The following LIMCH1 variants were observed in gnomAD, a reference collection of about 807,000 sequenced individuals.
LIMCH1 encodes the protein LIM and calponin homology domains-containing protein 1.
LIMCH1 carries 113 observed loss-of-function variants against 176.5 expected under a neutral mutation model. The ratio of observed to expected loss-of-function variants is 0.64; its 90% CI spans 0.55 to 0.75. LIMCH1 has a LOEUF of 0.75. Ranked by LOEUF, LIMCH1 falls within the 30% of genes least tolerant of loss-of-function variation. The pLI, the probability that LIMCH1 is intolerant of heterozygous loss-of-function variation, is 0.00. For missense variants in LIMCH1, 1,674 were observed against 1,814.9 expected (o/e 0.92, Z 1.41); for synonymous variants, 619 against 645.9 (o/e 0.96, Z 0.63).
intron 2 of LIMCH1, among the ~76,000 whole-genome samples, chr4:41,514,005 TAAAAAA>T (rs71198665): frequency 4.3e-4 from 21 of 48,522 alleles, no homozygotes; most frequent in East Asian, 1.0e-3. Flanking sequence ...GACTCCGTCT[TAAAAAA>T]AAAAAAAAAA....
intron 4 of LIMCH1, among the ~76,000 whole-genome samples, chr4:41,611,152 T>C (rs1406430792): frequency 1.3e-5 from 2 of 152,196 alleles, no homozygotes; most frequent in African/African-American, 4.8e-5. Flanking sequence ...ATGTTTTCTA[T>C]GTTTAGGTAT....
At chr4:41,479,445 G>T (rs908640416) in intron 1 of LIMCH1, among the ~76,000 whole-genome samples, 1 of 151,914 alleles carries the variant, frequency 6.6e-6, no homozygotes, top group African/African-American at 2.4e-5. Flanking sequence ...ATAGAGGTGG[G>T]GTCTCACTGT....
chr4:41,383,322 G>A (rs1283957136), intron 1 of LIMCH1, among the ~76,000 whole-genome samples: 1 of 152,120 alleles, frequency 6.6e-6, no homozygotes, highest in Non-Finnish European at 1.5e-5. Flanking sequence ...GGCAATTACT[G>A]TACATGCTGT....
chr4:41,407,465 A>G (rs1437497923), intron 1 of LIMCH1, among the ~76,000 whole-genome samples: 1 of 152,176 alleles, frequency 6.6e-6, no homozygotes, highest in African/African-American at 2.4e-5. Context: ...CCTGGGCTCA[A>G]GTGATCCTCC....
At chr4:41,529,990 A>G (rs140940547) in intron 3 of LIMCH1, among the ~76,000 whole-genome samples, 16 of 152,326 alleles carry the variant, frequency 1.1e-4, no homozygotes, top group African/African-American at 3.4e-4. Flanking sequence ...CAAAGATAAG[A>G]TTTCAAATAT....
intron 1 of LIMCH1, among the ~76,000 whole-genome samples, chr4:41,392,936 G>A (rs2057404365): frequency 1.3e-5 from 2 of 152,108 alleles, no homozygotes; most frequent in African/African-American, 2.4e-5. Flanking sequence ...GGAGGCTGAG[G>A]CAGGAATCAC....
intron 29 of LIMCH1, among the ~76,000 whole-genome samples, chr4:41,688,656 A>T (rs926594948): frequency 6.6e-6 from 1 of 152,092 alleles, no homozygotes; most frequent in Admixed American, 6.6e-5. Flanking sequence ...TTGCAATGTG[A>T]TCTTAGTTAT....
intron 5 of LIMCH1, among the ~76,000 whole-genome samples, 175 bp from the exon 6 acceptor site, chr4:41,619,013 C>G (rs2092359577): frequency 6.6e-6 from 1 of 152,026 alleles, no homozygotes; most frequent in South Asian, 2.1e-4. Flanking sequence ...CTTCTTTTCC[C>G]AGAGTGGAGT....
intron 23 of LIMCH1, among the ~76,000 whole-genome samples, chr4:41,679,771 T>A (rs1585815584): frequency 1.3e-5 from 2 of 152,334 alleles, no homozygotes; most frequent in Non-Finnish European, 2.9e-5. Context: ...CTTTTCTCTT[T>A]CTGTAAGCAA....
chr4:41,486,904 C>T (rs1363849073), intron 1 of LIMCH1, among the ~76,000 whole-genome samples: 1 of 151,696 alleles, frequency 6.6e-6, no homozygotes, highest in Non-Finnish European at 1.5e-5. Context: ...CCCTCAGCTT[C>T]CCAAGTAGCT....
chr4:41,495,459 G>A (rs2071948923), intron 2 of LIMCH1, among the ~76,000 whole-genome samples: 1 of 152,136 alleles, frequency 6.6e-6, no homozygotes, highest in African/African-American at 2.4e-5. Flanking sequence ...GACAAGCACT[G>A]TTCTGATCTC....
chr4:41,575,828 G>A (rs561145551), intron 1 of LIMCH1, among the ~76,000 whole-genome samples: 1 of 152,142 alleles, frequency 6.6e-6, no homozygotes, highest in Non-Finnish European at 1.5e-5. Context: ...TGATCTTATA[G>A]GAGATTCCCC....
chr4:41,419,648 TCCTC>T (rs1334720777), intron 1 of LIMCH1, among the ~76,000 whole-genome samples: 1 of 54,438 alleles, frequency 1.8e-5, no homozygotes, highest in African/African-American at 1.4e-4. Context: ...CTTCCTTTCT[TCCTC>T]CTTCCTTCCT....
At chr4:41,505,968 A>ACACG (rs1165578751) in intron 2 of LIMCH1, among the ~76,000 whole-genome samples, 1 of 150,246 alleles carries the variant, frequency 6.7e-6, no homozygotes, top group Non-Finnish European at 1.5e-5. Flanking sequence ...ACACACACAC[A>ACACG]CTTTGTATAA....
At chr4:41,619,984 T>C (rs918180712) in intron 6 of LIMCH1, 24 of 185,162 alleles carry the variant, frequency 1.3e-4, no homozygotes, top group African/African-American at 5.4e-4. Context: ...TATTCATTTA[T>C]TCAGCAAGTA....
At position 41,698,046 on chromosome 4, in the gene LIMCH1, G is replaced by A. The variant is rs747125192; in HGVS notation, c.*861G>A. The A allele has an allele frequency of 1.3e-5, 2 of 152,006 alleles. No homozygotes were observed. Among genetic ancestry groups the A allele is most frequent in the African/African-American group, 2.4e-5 (1 of 41,380 alleles). The allele number at this position is 152,006 out of a possible 1,614,324, so 9.4% of individuals were successfully genotyped here. A position where few individuals can be genotyped will look rare whatever the true frequency, so the allele number is the denominator to read the frequency against. On this transcript the variant is annotated 3_prime_UTR_variant, in exon 32 of 32. Transcript: ENST00000503057. ...CAGGCCTCTGTTGCCTGCTTCTCTCGAGGCACTAGATTAGGAGTCTTCAAT... is the reference window on the plus strand; with the variant it reads ...CAGGCCTCTGTTGCCTGCTTCTCTCAAGGCACTAGATTAGGAGTCTTCAAT...
intron 1 of LIMCH1, among the ~76,000 whole-genome samples, chr4:41,589,386 G>C (rs977914377): frequency 2.6e-5 from 4 of 152,146 alleles, no homozygotes; most frequent in African/African-American, 9.7e-5. Context: ...GGTGGTGGGT[G>C]GGGGAGAGCC....
intron 1 of LIMCH1, among the ~76,000 whole-genome samples, chr4:41,419,761 G>A (rs1334358215): frequency 7.8e-6 from 1 of 128,494 alleles, no homozygotes; most frequent in Non-Finnish European, 1.6e-5. Flanking sequence ...CTTCCTTCCT[G>A]CCCTTTTCCC....
intron 2 of LIMCH1, among the ~76,000 whole-genome samples, chr4:41,502,920 C>CAG (rs973683147): frequency 1.3e-5 from 2 of 151,772 alleles, no homozygotes; most frequent in Non-Finnish European, 2.9e-5. Flanking sequence ...CACACACACA[C>CAG]ACACACACAC....
Sources: allele counts gnomAD v4.1 joint callset (sites outside exome capture counted in the v4.1 genomes callset), GRCh38; gene constraint gnomAD v4.1.1; transcripts MANE v1.5; gene names NCBI Gene and HGNC (gene_info 2026-07-23, HGNC 2026-07-21).